The following GALNTL6 variants were observed in gnomAD, a reference collection of about 807,000 sequenced individuals.
The protein encoded by GALNTL6 is polypeptide N-acetylgalactosaminyltransferase-like 6.
In GALNTL6, 46 loss-of-function variants were observed where a neutral mutation model predicts 73.7. The ratio of observed to expected loss-of-function variants is 0.62; its 90% CI spans 0.49 to 0.80. The LOEUF (loss-of-function observed/expected upper bound fraction) is 0.80, where lower values mean the gene tolerates loss of function less well. GALNTL6 is among the 30% of genes least tolerant of loss of function. GALNTL6 has a pLI of 0.00. For missense variants in GALNTL6, 604 were observed against 755.0 expected, an observed-to-expected ratio of 0.80 and a Z score of 2.34; for synonymous variants, 259 against 263.7, an observed-to-expected ratio of 0.98 and a Z score of 0.17.
intron 2 of GALNTL6, among the ~76,000 whole-genome samples, chr4:171,937,402 G>A (rs1183061836): frequency 6.6e-6 from 1 of 151,964 alleles, no homozygotes; most frequent in East Asian, 1.9e-4. Flanking sequence ...TTATTCCAAA[G>A]GACTATTGAC....
In GALNTL6 at chr4:172,424,776, G is replaced by A. The variant is rs151068397; in HGVS notation, c.553+76087G>A. Among the ~76,000 whole-genome samples the A allele has an allele frequency of 7.9e-4, 120 of 152,200 alleles. 1 individual carries two copies. In the South Asian group the frequency reaches 0.016, roughly 21 times the overall value. ...TATCATTTTAGCTCTTATTCCATTGGCTAGAACTCAGTCTCATGGCCATGA... is the reference window on the plus strand; with the variant it reads ...TATCATTTTAGCTCTTATTCCATTGACTAGAACTCAGTCTCATGGCCATGA... On this transcript the variant is annotated intron_variant, in intron 5 of 12. Transcript: ENST00000506823.
At chr4:172,697,646 G>A (rs1733775268) in intron 5 of GALNTL6, among the ~76,000 whole-genome samples, 1 of 152,176 alleles carries the variant, frequency 6.6e-6, no homozygotes. Flanking sequence ...AAGGACTATT[G>A]CTCAGGCTTT....
rs374992862 is a variant in GALNTL6, at chr4:172,380,236, C to G, written c.553+31547C>G. On this transcript the variant is annotated intron_variant, in intron 5 of 12. Transcript: ENST00000506823. The stretch of plus-strand genomic sequence containing the variant: ...CTTTCAAAATATCTTAACGTATTCT[C>G]CCCAACTTGTCTACATTAGGATGAC... 4.9e-5 allele frequency: 45 copies of G among 916,912 alleles called. No individual in the cohort carries two copies. In the East Asian group the frequency reaches 8.5e-4, roughly 17 times the overall value. 56.8% of individuals were successfully genotyped at this position (916,912 alleles called of 1,614,324 possible).
intron 3 of GALNTL6, among the ~76,000 whole-genome samples, chr4:172,305,773 C>T (rs1740109474): frequency 6.6e-6 from 1 of 152,148 alleles, no homozygotes; most frequent in South Asian, 2.1e-4. Context: ...CCTATTCTCA[C>T]AACTGCAAAG....
chr4:171,970,225 A>G (rs201806794), intron 2 of GALNTL6, among the ~76,000 whole-genome samples: 1 of 148,880 alleles, frequency 6.7e-6, no homozygotes, highest in Non-Finnish European at 1.5e-5. Context: ...TGGCCAGCAA[A>G]TTTGAGAGTC....
chr4:173,035,839 A>G (rs750141162), intron 12 of GALNTL6, among the ~76,000 whole-genome samples: 6 of 152,202 alleles, frequency 3.9e-5, no homozygotes, highest in Non-Finnish European at 8.8e-5. Context: ...TTCAGAAAAC[A>G]CAATTTGGTG....
At chr4:172,046,405 T>G (rs1360579970) in intron 2 of GALNTL6, among the ~76,000 whole-genome samples, 1 of 152,152 alleles carries the variant, frequency 6.6e-6, no homozygotes, top group African/African-American at 2.4e-5. Context: ...GCTGCACCCA[T>G]CAACTCGTCA....
intron 5 of GALNTL6, among the ~76,000 whole-genome samples, chr4:172,422,905 G>A (rs1421256837): frequency 1.3e-5 from 2 of 151,048 alleles, no homozygotes; most frequent in South Asian, 2.1e-4. Context: ...AGTGTAGGAT[G>A]TACAATAGAG....
chr4:172,515,014 T>C (rs1353410544), intron 5 of GALNTL6, among the ~76,000 whole-genome samples: 2 of 152,184 alleles, frequency 1.3e-5, no homozygotes, highest in African/African-American at 2.4e-5. Flanking sequence ...CTTTTGGTTT[T>C]CCTAGTATGT....
intron 5 of GALNTL6, among the ~76,000 whole-genome samples, chr4:172,652,528 A>G (rs1272565384): frequency 6.6e-6 from 1 of 152,218 alleles, no homozygotes; most frequent in Non-Finnish European, 1.5e-5. Flanking sequence ...GTGAAATAGC[A>G]CTGCAAGAAG....
chr4:172,186,272 A>G (rs1735412670), intron 2 of GALNTL6, among the ~76,000 whole-genome samples: 3 of 152,156 alleles, frequency 2.0e-5, no homozygotes, highest in Admixed American at 2.0e-4. Flanking sequence ...CATGAATATA[A>G]TTTTTAAATG....
intron 5 of GALNTL6, among the ~76,000 whole-genome samples, chr4:172,660,783 C>G (rs1369761578): frequency 6.6e-6 from 1 of 152,048 alleles, no homozygotes; most frequent in Non-Finnish European, 1.5e-5. Context: ...TTAAAGGCAG[C>G]TATAGAGGAA....
At chr4:172,739,293 T>C (rs995526213) in intron 5 of GALNTL6, among the ~76,000 whole-genome samples, 2 of 152,186 alleles carry the variant, frequency 1.3e-5, no homozygotes, top group Non-Finnish European at 2.9e-5. Flanking sequence ...TGTGGAAAAT[T>C]CTTATGTAAC....
intron 2 of GALNTL6, among the ~76,000 whole-genome samples, chr4:172,206,776 TTTTTTG>T (rs1736124884): frequency 1.0e-5 from 1 of 95,596 alleles, no homozygotes; most frequent in Non-Finnish European, 2.5e-5. Context: ...ATGAAACGTG[TTTTTTG>T]TTTTGTTTTG....
intron 2 of GALNTL6, among the ~76,000 whole-genome samples, chr4:171,922,041 T>A (rs1198453540): frequency 6.6e-6 from 1 of 152,014 alleles, no homozygotes; most frequent in East Asian, 1.9e-4. Flanking sequence ...TGCCATTAAT[T>A]TGGCTATGAC....
At chr4:172,303,282 G>A (rs1740005917) in intron 3 of GALNTL6, among the ~76,000 whole-genome samples, 1 of 152,214 alleles carries the variant, frequency 6.6e-6, no homozygotes, top group African/African-American at 2.4e-5. Flanking sequence ...ACAGACGTGA[G>A]CCACAGCGCC....
intron 5 of GALNTL6, among the ~76,000 whole-genome samples, chr4:172,368,300 G>T (rs1474895958): frequency 6.6e-6 from 1 of 152,120 alleles, no homozygotes; most frequent in Non-Finnish European, 1.5e-5. Context: ...AAAATTGCAT[G>T]AACTTGGGAG....
chr4:172,349,544 CT>C (rs1456606150), intron 5 of GALNTL6, among the ~76,000 whole-genome samples: 8 of 152,020 alleles, frequency 5.3e-5, no homozygotes, highest in African/African-American at 1.9e-4. Context: ...ACAGAAACAT[CT>C]TTTTTTCATA....
At chr4:172,871,638 G>GTA in intron 7 of GALNTL6, among the ~76,000 whole-genome samples, 1 of 151,122 alleles carries the variant, frequency 6.6e-6, no homozygotes, top group Non-Finnish European at 1.5e-5. Flanking sequence ...GTGTGTGTGT[G>GTA]TGTGTGTTAT....
Sources: allele counts gnomAD v4.1 joint callset (sites outside exome capture counted in the v4.1 genomes callset), GRCh38; gene constraint gnomAD v4.1.1; transcripts MANE v1.5; gene names NCBI Gene and HGNC (gene_info 2026-07-23, HGNC 2026-07-21).